The following CCDC17 variants were observed in gnomAD, a reference collection of about 807,000 sequenced individuals.
CCDC17 encodes the protein coiled-coil domain containing 17.
CCDC17 carries 79 observed loss-of-function variants against 68.0 expected under a neutral mutation model. The observed-to-expected ratio is 1.16, with a 90% CI of 0.97 to 1.40. The LOEUF (loss-of-function observed/expected upper bound fraction) is 1.40. Among genes scored for constraint, CCDC17 ranks in the 40% most tolerant of loss-of-function variants. The pLI is 0.00. For synonymous variants in CCDC17, 376 were observed against 337.5 expected (o/e 1.11, Z -1.25); for missense variants, 846 against 811.5 (o/e 1.04, Z -0.52).
chr1:45,623,490 G>C (rs1644352517), intron 2 of CCDC17, 51 bp from the exon 3 acceptor site: 3 of 1,549,358 alleles, frequency 1.9e-6, no homozygotes, highest in Non-Finnish European at 2.6e-6. Flanking sequence ...TCTGTCCCAA[G>C]TATGATCTAC....
rs770086992 is a variant in CCDC17 at position 45,620,755 on chromosome 1, C to G, written c.1678G>C (p.Ala560Pro). 1.9e-6 allele frequency: 3 copies of G among 1,609,330 alleles called. No homozygotes were observed. Among genetic ancestry groups the G allele is most frequent in the Admixed American group, 1.7e-5 (1 of 59,200 alleles). The change falls in exon 12 of 13, where the codon GCA becomes CCA. Residue 560 changes from alanine to proline, a missense_variant. By Grantham distance (27) the Ala-to-Pro change is conservative. Coordinates refer to ENST00000528266, the MANE Select transcript of CCDC17 (RefSeq NM_001114938.3). ...AVQTLAEINP[A>P]SVHEYQYPPP... ...GGGTACTGGTACTCATGGACACTTG[C>G]TGGATTGATCTCTGCCAGTGTCTGT...
chr1:45,620,448 A>C lies in CCDC17; in HGVS notation c.1711-15T>G. On this transcript the variant is annotated splice_polypyrimidine_tract_variant and intron_variant, in intron 12 of 12. Transcript: ENST00000528266. ...GTGCTGGACACCTGTGGAACAGGAG[A>C]AGGCAGGTTTTGAGCAAAAATGTAA... The C allele has an allele frequency of 6.5e-7, 1 of 1,544,324 alleles. No individual in the cohort carries two copies. Among genetic ancestry groups the C allele is most frequent in the Non-Finnish European group, 8.7e-7 (1 of 1,147,950 alleles).
rs1203249320 is a variant in CCDC17 at position 45,623,284 on chromosome 1, G to GC, written c.425_426insG (p.Phe142LeufsTer55). 1.0e-5 allele frequency: 16 copies of GC among 1,548,302 alleles called. No homozygotes were observed. The Admixed American group carries it at 2.6e-4, about 25-fold the overall frequency. On this transcript the variant is annotated frameshift_variant, in exon 3 of 13. Coordinates refer to ENST00000528266, the MANE Select transcript of CCDC17 (RefSeq NM_001114938.3). LOFTEE classifies it high-confidence loss of function. The stretch of plus-strand genomic sequence containing the variant: ...CCGCCACGCGCCTCGCGCGAGTCCT[G>GC]AACAGCGCCCGCAGCCGCTCGCTGG...
Position 45,622,366 on chromosome 1 carries a change from G to A in CCDC17, c.860-18C>T. 1.3e-6 allele frequency: 2 copies of A among 1,597,620 alleles called. No individual in the cohort carries two copies. Among genetic ancestry groups the A allele is most frequent in the Middle Eastern group, 3.3e-4 (2 of 5,994 alleles). On this transcript the variant is annotated intron_variant, in intron 6 of 12. Transcript: ENST00000528266. Reference sequence around the variant, plus strand: ...TGCCCTTCCTGCGATGAACAAGTGTGACCTGTCACCTTTGACCTCTGGTGA... The same window carrying A: ...TGCCCTTCCTGCGATGAACAAGTGTAACCTGTCACCTTTGACCTCTGGTGA...
At chr1:45,622,470 T>G in intron 6 of CCDC17, 79 bp downstream of exon 6, 1 of 1,480,932 alleles carries the variant, frequency 6.8e-7, no homozygotes, top group Non-Finnish European at 9.1e-7. Context: ...TCACATGCCA[T>G]CCACAGCCAC....
intron 4 of CCDC17, 22 bp downstream of exon 4, chr1:45,622,933 G>T: frequency 6.3e-7 from 1 of 1,590,828 alleles, no homozygotes; most frequent in Non-Finnish European, 8.6e-7. Context: ...ATGTTCCGGG[G>T]ATCCGCTTAG....
chr1:45,622,611 T>G lies in CCDC17; in HGVS notation c.797A>C (p.Gln266Pro). The G allele has an allele frequency of 6.4e-7, 1 of 1,556,906 alleles. No individual in the cohort carries two copies. Among genetic ancestry groups the G allele is most frequent in the South Asian group, 1.2e-5 (1 of 84,420 alleles). Residue 266 changes from glutamine to proline, a missense_variant, in exon 6 of 13, where the codon CAG becomes CCG. Coordinates refer to ENST00000528266, the MANE Select transcript of CCDC17 (RefSeq NM_001114938.3). The part of the protein sequence containing the change: ...DGGRDPGVLG[Q>P]IWQLQVEASA... ...CGCCTCCACCTGCAACTGCCATATC[T>G]GGCCCAGCACGCCGGGGTCCCGGCC...
chr1:45,620,461 A>C, intron 12 of CCDC17, 28 bp from the exon 13 acceptor site: 1 of 1,522,898 alleles, frequency 6.6e-7, no homozygotes, highest in South Asian at 1.3e-5. Context: ...GCAGGTTTTG[A>C]GCAAAAATGT....
At position 45,623,730 on chromosome 1, in the gene CCDC17, C is replaced by T. The variant is rs1175532922; in HGVS notation, c.174+6G>A. On this transcript the variant is annotated splice_donor_region_variant and intron_variant, in intron 1 of 12. Transcript: ENST00000528266. ...AATCCCCACCCATGGCCATGGAGGC[C>T]CTTACCGCGGCCCGCTGGGGTTCAG... is the stretch of plus-strand genomic sequence containing the variant. 3 of 1,550,980 alleles carry T rather than the reference C, an allele frequency of 1.9e-6. No homozygotes were observed. The highest frequency in any genetic ancestry group is 1.4e-5 in the African/African-American group (1 of 73,014).
In CCDC17 at chr1:45,622,945, C is replaced by G. The variant is rs764150317; in HGVS notation, c.656+10G>C. On this transcript the variant is annotated intron_variant, in intron 4 of 12. Coordinates refer to ENST00000528266, the MANE Select transcript of CCDC17 (RefSeq NM_001114938.3). ...CGCATGTTCCGGGGATCCGCTTAGT[C>G]GGGTCTCACCCTGGCTCCGCCTGCA... The G allele has an allele frequency of 1.9e-6, 3 of 1,593,270 alleles. No homozygotes were observed. The highest frequency in any genetic ancestry group is 2.6e-6 in the Non-Finnish European group (3 of 1,168,860).
intron 9 of CCDC17, 44 bp downstream of exon 9, chr1:45,621,594 G>A (rs746532056): frequency 6.2e-7 from 1 of 1,605,664 alleles, no homozygotes; most frequent in South Asian, 1.1e-5. Flanking sequence ...AACCAGCAGT[G>A]CTGGCCAAGT....
Position 45,621,749 on chromosome 1 carries a change from A to C in CCDC17, c.1087-14T>G, listed in dbSNP as rs375821787. 9 of 1,612,568 alleles carry C rather than the reference A, an allele frequency of 5.6e-6. No homozygotes were observed. The African/African-American group carries it at 9.4e-5, about 17-fold the overall frequency. ...AGGAAGCTGTGGCTGTGGGGAAGAG[A>C]GCTGACTCCTCCAGAAAGCCTTGTA... is the stretch of plus-strand genomic sequence containing the variant. On this transcript the variant is annotated splice_polypyrimidine_tract_variant and intron_variant, in intron 8 of 12. Transcript: ENST00000528266.
chr1:45,623,242 G>A lies in CCDC17; in HGVS notation c.468C>T (p.Ser156=), dbSNP rs1257579204. ...CCTCGCCGCGTAGCTGCAGGGCCCGGCTCTGCGCTTCCATCTCCGCCACGC... is the reference window on the plus strand; with the variant it reads ...CCTCGCCGCGTAGCTGCAGGGCCCGACTCTGCGCTTCCATCTCCGCCACGC... The part of the protein sequence containing the change: ...ARRVAEMEAQ[S]RALQLRGEEL... The change falls in exon 3 of 13, where the codon AGC becomes AGT. Residue 156 remains serine, a synonymous_variant. Transcript: ENST00000528266. 1.4e-5 allele frequency: 21 copies of A among 1,544,980 alleles called. No individual in the cohort carries two copies. The highest frequency in any genetic ancestry group is 1.7e-5 in the Non-Finnish European group (20 of 1,146,104).
Position 45,621,927 on chromosome 1 carries a change from G to T in CCDC17, c.1036C>A (p.Leu346Ile), listed in dbSNP as rs1186418410. Residue 346 changes from leucine (L) to isoleucine (I), a missense_variant, in exon 8 of 13, where the codon CTC (leucine) becomes ATC (isoleucine). Physicochemically the swap from Leu to Ile is conservative, Grantham distance 5. Transcript: ENST00000528266. ...AGCGGTGGTGCCACCGGTGGCGGGA[G>T]GAGTGGGGGATCTCTCCTCCCCTTC... Reference protein sequence around the residue: ...QPKGRRDPPLLPPPVAPPLPP... With the variant: ...QPKGRRDPPLIPPPVAPPLPP... 3.7e-6 allele frequency: 6 copies of T among 1,610,442 alleles called. No individual in the cohort carries two copies. The highest frequency in any genetic ancestry group is 5.1e-6 in the Non-Finnish European group (6 of 1,178,704).
At chr1:45,621,518 A>C in intron 9 of CCDC17, 34 bp from the exon 10 acceptor site, 1 of 1,571,750 alleles carries the variant, frequency 6.4e-7, no homozygotes, top group South Asian at 1.2e-5. Context: ...AGAAATACCC[A>C]ACTCCTTTCA....
Position 45,621,642 on chromosome 1 carries a change from G to A in CCDC17, c.1180C>T (p.Pro394Ser), listed in dbSNP as rs1447954707. The A allele has an allele frequency of 1.9e-6, 3 of 1,613,530 alleles. No individual in the cohort carries two copies. Among genetic ancestry groups the A allele is most frequent in the Non-Finnish European group, 1.7e-6 (2 of 1,179,758 alleles). ...CGAAGGTGGCACGGGCCTCACCCAG[G>A]ATCATAGGGTGCAGGGCCCAGCATG... ...SDMLGPAPYD[P>S]GAGLVIFYDF... is the part of the protein sequence containing the mutation. The change falls in exon 9 of 13, where the codon CCT (proline) becomes TCT (serine). Residue 394 changes from proline (P) to serine (S), a missense_variant. Pro to Ser is a moderately conservative substitution (Grantham distance 74). Coordinates refer to ENST00000528266, the MANE Select transcript of CCDC17 (RefSeq NM_001114938.3).
At position 45,623,755 on chromosome 1, in the gene CCDC17, G is replaced by T; in HGVS notation, c.155C>A (p.Thr52Asn). ...MTFGAQASVA[T>N]EPQRAAVVPQ... Reference sequence around the variant, plus strand: ...CCTTACCGCGGCCCGCTGGGGTTCAGTGGCAACTGATGCCTGTGCTCCAAA... The same window carrying T: ...CCTTACCGCGGCCCGCTGGGGTTCATTGGCAACTGATGCCTGTGCTCCAAA... The change falls in exon 1 of 13, where the codon ACT becomes AAT. Residue 52 changes from threonine (T) to asparagine (N), a missense_variant. Coordinates refer to ENST00000528266, the MANE Select transcript of CCDC17 (RefSeq NM_001114938.3). 6.4e-7 allele frequency: 1 copy of T among 1,551,224 alleles called. No individual in the cohort carries two copies. Among genetic ancestry groups the T allele is most frequent in the South Asian group, 1.2e-5 (1 of 84,006 alleles).
At position 45,623,146 on chromosome 1, in the gene CCDC17, G is replaced by C. The variant is rs373304885; in HGVS notation, c.494-29C>G. 12 of 1,538,972 alleles carry C rather than the reference G, an allele frequency of 7.8e-6. 1 individual carries two copies. The South Asian group carries it at 1.2e-4, about 15-fold the overall frequency. On this transcript the variant is annotated intron_variant, in intron 3 of 12. Coordinates refer to ENST00000528266, the MANE Select transcript of CCDC17 (RefSeq NM_001114938.3). ...AGGGAATGCGGGCCGAGTCAGAACC[G>C]GCCCGAGCAAGCTTAAGCCAAACGG...
intron 4 of CCDC17, 44 bp from the exon 5 acceptor site, chr1:45,622,878 G>C: frequency 6.4e-7 from 1 of 1,574,060 alleles, no homozygotes; most frequent in Non-Finnish European, 8.6e-7. Context: ...ACGCATCAGA[G>C]GCCCCGGGGC....
Sources: allele counts gnomAD v4.1 joint callset, GRCh38; gene constraint gnomAD v4.1.1; transcripts MANE v1.5; gene names NCBI Gene and HGNC (gene_info 2026-07-23, HGNC 2026-07-21).